GPR158: variants seen among roughly 807,000 people sequenced by gnomAD.
The protein encoded by GPR158 is G protein-coupled receptor 158.
Under a neutral mutation model 78.2 loss-of-function variants are expected in GPR158, and 30 were observed. The observed-to-expected ratio is 0.38, with a 90% CI of 0.29 to 0.52. The LOEUF is 0.52. Among genes scored for constraint, GPR158 ranks in the 20% least tolerant of loss-of-function variants. GPR158 has a pLI of 0.83. For synonymous variants in GPR158, 581 were observed against 591.1 expected (o/e 0.98, Z 0.25); for missense variants, 1,463 against 1,523.5 (o/e 0.96, Z 0.66).
chr10:25,411,532 G>A (rs1398540392), intron 3 of GPR158, among the ~76,000 whole-genome samples: 2 of 152,028 alleles, frequency 1.3e-5, no homozygotes, highest in African/African-American at 2.4e-5. Context: ...GTATTTACTC[G>A]GCACATAAAA....
intron 5 of GPR158, among the ~76,000 whole-genome samples, chr10:25,480,742 A>G (rs1290105719): frequency 1.3e-5 from 2 of 152,172 alleles, no homozygotes; most frequent in Non-Finnish European, 2.9e-5. Context: ...GTCACTGGAC[A>G]CTTAGGTTGT....
chr10:25,418,484 T>A (rs1056947817), intron 4 of GPR158, among the ~76,000 whole-genome samples: 7 of 152,132 alleles, frequency 4.6e-5, no homozygotes, highest in Non-Finnish European at 8.8e-5. Flanking sequence ...AATCTGTCAG[T>A]AAACTGTGAA....
chr10:25,194,847 C>A (rs1315669275), intron 1 of GPR158, among the ~76,000 whole-genome samples: 2 of 151,896 alleles, frequency 1.3e-5, no homozygotes, highest in East Asian at 1.9e-4. Context: ...ATTTTAGATA[C>A]CTTTTATTCT....
intron 2 of GPR158, among the ~76,000 whole-genome samples, chr10:25,258,314 G>C (rs1365283621): frequency 6.6e-6 from 1 of 152,112 alleles, no homozygotes. Flanking sequence ...CTACATTGTA[G>C]GCACTATCAT....
chr10:25,340,478 T>C (rs1396131264), intron 2 of GPR158, among the ~76,000 whole-genome samples: 1 of 152,064 alleles, frequency 6.6e-6, no homozygotes, highest in African/African-American at 2.4e-5. Flanking sequence ...CTATGTCTAG[T>C]ATGTTCATGA....
At chr10:25,468,190 G>A (rs1166067965) in intron 5 of GPR158, among the ~76,000 whole-genome samples, 1 of 152,054 alleles carries the variant, frequency 6.6e-6, no homozygotes, top group African/African-American at 2.4e-5. Context: ...GTTTGGGGGC[G>A]TTCCTTTCTG....
At chr10:25,473,654 G>T (rs996530757) in intron 5 of GPR158, among the ~76,000 whole-genome samples, 1 of 152,060 alleles carries the variant, frequency 6.6e-6, no homozygotes, top group Non-Finnish European at 1.5e-5. Context: ...TCTATTCTGG[G>T]ATTCAACTTC....
At chr10:25,537,580 T>C (rs1402760072) in intron 5 of GPR158, among the ~76,000 whole-genome samples, 2 of 152,202 alleles carry the variant, frequency 1.3e-5, no homozygotes, top group Non-Finnish European at 2.9e-5. Flanking sequence ...ATTTATATTA[T>C]TGAAAATTAA....
intron 1 of GPR158, among the ~76,000 whole-genome samples, chr10:25,188,264 A>G (rs1370628701): frequency 2.0e-5 from 3 of 152,202 alleles, no homozygotes; most frequent in African/African-American, 7.2e-5. Context: ...GACTTTCTTC[A>G]CAGAATTGGA....
intron 5 of GPR158, among the ~76,000 whole-genome samples, chr10:25,497,421 T>G (rs1473589713): frequency 6.6e-6 from 1 of 152,174 alleles, no homozygotes; most frequent in Non-Finnish European, 1.5e-5. Flanking sequence ...ATAAAGCGCC[T>G]ATTAACAGTC....
chr10:25,590,375 A>G (rs1443817667), intron 8 of GPR158, among the ~76,000 whole-genome samples: 1 of 152,108 alleles, frequency 6.6e-6, no homozygotes, highest in Non-Finnish European at 1.5e-5. Flanking sequence ...GGAAGGAAAG[A>G]TAAGAATGGA....
intron 3 of GPR158, among the ~76,000 whole-genome samples, chr10:25,407,035 A>C (rs1834524444): frequency 6.6e-6 from 1 of 152,220 alleles, no homozygotes; most frequent in Admixed American, 6.5e-5. Flanking sequence ...TTTAAGGTTC[A>C]AAATAATTTA....
intron 1 of GPR158, among the ~76,000 whole-genome samples, chr10:25,185,354 G>A (rs1852667680): frequency 6.6e-6 from 1 of 152,114 alleles, no homozygotes; most frequent in African/African-American, 2.4e-5. Flanking sequence ...ACACAAGTGA[G>A]AACTGAAACA....
At chr10:25,364,850 T>G (rs1055357263) in intron 2 of GPR158, among the ~76,000 whole-genome samples, 1 of 151,794 alleles carries the variant, frequency 6.6e-6, no homozygotes, top group African/African-American at 2.4e-5. Context: ...TGGTTAGAAT[T>G]AGATTTAGAG....
At chr10:25,222,173 G>A (rs1034224014) in intron 2 of GPR158, among the ~76,000 whole-genome samples, 1 of 151,558 alleles carries the variant, frequency 6.6e-6, no homozygotes, top group Non-Finnish European at 1.5e-5. Flanking sequence ...CACCCACCAC[G>A]CATACTCCTG....
intron 4 of GPR158, among the ~76,000 whole-genome samples, chr10:25,426,340 G>A (rs2149635): frequency 0.7 from 106,084 of 151,736 alleles, 38,085 homozygotes; most frequent in Non-Finnish European, 0.8. Flanking sequence ...CTTTCCATCA[G>A]TAACTTTTCC....
At chr10:25,539,553 A>G (rs1348269005) in intron 5 of GPR158, among the ~76,000 whole-genome samples, 1 of 132,730 alleles carries the variant, frequency 7.5e-6, no homozygotes, top group Non-Finnish European at 1.6e-5. Flanking sequence ...TTTCAGGTGT[A>G]TTCTATGGGA....
At chr10:25,335,305 T>C (rs1855181468) in intron 2 of GPR158, among the ~76,000 whole-genome samples, 1 of 152,120 alleles carries the variant, frequency 6.6e-6, no homozygotes, top group Admixed American at 6.6e-5. Flanking sequence ...AATATTTCAT[T>C]ACTCACTAAT....
chr10:25,324,807 GT>G lies in GPR158; in HGVS notation c.1009-71103del, dbSNP rs1855004618. On this transcript the variant is annotated intron_variant, in intron 2 of 10. Transcript: ENST00000376351. Reference sequence around the variant, plus strand: ...AAATAATAAGTAAAATATATATTAGGTAATTGTATTTTCTTTTTTCTTTCTT... The same window carrying G: ...AAATAATAAGTAAAATATATATTAGGAATTGTATTTTCTTTTTTCTTTCTT... Among the ~76,000 whole-genome samples the G allele has an allele frequency of 2.0e-5, 3 of 149,374 alleles. No individual in the cohort carries two copies. In the East Asian group the frequency reaches 5.8e-4, roughly 29 times the overall value.
Sources: allele counts gnomAD v4.1 joint callset (sites outside exome capture counted in the v4.1 genomes callset), GRCh38; gene constraint gnomAD v4.1.1; transcripts MANE v1.5; gene names NCBI Gene and HGNC (gene_info 2026-07-23, HGNC 2026-07-21).